Variants in CDYL observed in about 807,000 individuals in gnomAD.
CDYL encodes chromodomain Y-like protein.
A neutral mutation model predicts 47.3 loss-of-function variants in CDYL; 8 were observed. The observed-to-expected ratio is 0.17, with a 90% CI of 0.10 to 0.31. CDYL has a LOEUF of 0.31. Among genes scored for constraint, CDYL ranks in the 10% least tolerant of loss-of-function variants. The pLI is 1.00. For synonymous variants in CDYL, 266 were observed against 265.0 expected (o/e 1.00, Z -0.04); for missense variants, 471 against 701.4 (o/e 0.67, Z 3.71).
intron 1 of CDYL, among the ~76,000 whole-genome samples, chr6:4,788,142 G>T (rs140801959): frequency 2.0e-5 from 3 of 151,978 alleles, no homozygotes; most frequent in African/African-American, 7.3e-5. Context: ...GTCTCCAGTG[G>T]CTCACTTCTG....
chr6:4,910,902 C>T (rs1282129779), intron 2 of CDYL, among the ~76,000 whole-genome samples: 1 of 151,912 alleles, frequency 6.6e-6, no homozygotes, highest in African/African-American at 2.4e-5. Flanking sequence ...GGCACGACCT[C>T]GGCTCACTGC....
chr6:4,897,177 A>G (rs950916310), intron 2 of CDYL, among the ~76,000 whole-genome samples: 1 of 152,248 alleles, frequency 6.6e-6, no homozygotes. Flanking sequence ...TTGTCCTTTC[A>G]TGGATTCAAA....
At position 4,802,741 on chromosome 6, in the gene CDYL, T is replaced by C. The variant is rs943970966; in HGVS notation, c.24+25934T>C. Among the ~76,000 whole-genome samples, 19 of 148,748 alleles carry C rather than the reference T, an allele frequency of 1.3e-4. No individual in the cohort carries two copies. The South Asian group carries it at 1.7e-3, about 13-fold the overall frequency. On this transcript the variant is annotated intron_variant, in intron 1 of 6. Transcript: ENST00000397588. ...TTCAGTTTATTTTGTTCTTTTTTTT[T>C]CCCTTGAGATAAGTTTGTATGAGAG... is the stretch of plus-strand genomic sequence containing the variant.
At chr6:4,873,984 A>G (rs1319508672) in intron 1 of CDYL, among the ~76,000 whole-genome samples, 4 of 152,060 alleles carry the variant, frequency 2.6e-5, no homozygotes. Flanking sequence ...CCTTGTGTTC[A>G]TTCCTTAGCT....
chr6:4,811,585 C>T (rs1759529796), intron 1 of CDYL, among the ~76,000 whole-genome samples: 1 of 150,288 alleles, frequency 6.7e-6, no homozygotes, highest in Admixed American at 6.6e-5. Flanking sequence ...CTTTTAATTA[C>T]ACAAGTACTC....
intron 1 of CDYL, among the ~76,000 whole-genome samples, chr6:4,790,445 A>G (rs1468578701): frequency 6.6e-6 from 1 of 152,130 alleles, no homozygotes; most frequent in Non-Finnish European, 1.5e-5. Context: ...ACAACAACAA[A>G]CTCATTTTTC....
intron 3 of CDYL, among the ~76,000 whole-genome samples, chr6:4,763,884 A>C (rs865978642): frequency 3.9e-5 from 6 of 152,178 alleles, no homozygotes; most frequent in Admixed American, 1.3e-4. Context: ...CAGAGGTTGC[A>C]GTGAGCCGAG....
chr6:4,795,561 A>T (rs1489817210), intron 1 of CDYL, among the ~76,000 whole-genome samples: 1 of 152,048 alleles, frequency 6.6e-6, no homozygotes, highest in Admixed American at 6.5e-5. Context: ...GATCTTATTG[A>T]TTTATGAGTA....
At chr6:4,875,189 C>A (rs1431515250) in intron 1 of CDYL, among the ~76,000 whole-genome samples, 1 of 152,080 alleles carries the variant, frequency 6.6e-6, no homozygotes, top group Non-Finnish European at 1.5e-5. Context: ...GCAGCACTGA[C>A]GTTTTTCTTT....
chr6:4,827,656 TC>T (rs1484937288), intron 1 of CDYL, among the ~76,000 whole-genome samples: 1 of 152,188 alleles, frequency 6.6e-6, no homozygotes, highest in East Asian at 1.9e-4. Context: ...CATGCATTTG[TC>T]CTTTTTTTTC....
At chr6:4,947,518 C>A (rs883487) in intron 5 of CDYL, among the ~76,000 whole-genome samples, 1 of 152,076 alleles carries the variant, frequency 6.6e-6, no homozygotes, top group African/African-American at 2.4e-5. Context: ...CACCCATGTC[C>A]CTGCCCCTCA....
intron 1 of CDYL, among the ~76,000 whole-genome samples, chr6:4,789,234 C>A (rs1346539681): frequency 6.6e-6 from 1 of 152,086 alleles, no homozygotes; most frequent in African/African-American, 2.4e-5. Flanking sequence ...CACCACCGTG[C>A]CTGGCTAATT....
At position 4,732,859 on chromosome 6, in the gene CDYL, T is replaced by A. The variant is rs149875898; in HGVS notation, c.104-1903T>A. ...GACAGGCAGAGATAGGAGGATTAGATGGAGTATTTGGCTGAACAGGGACAA... is the reference window on the plus strand; with the variant it reads ...GACAGGCAGAGATAGGAGGATTAGAAGGAGTATTTGGCTGAACAGGGACAA... On this transcript the variant is annotated intron_variant, in intron 2 of 8. Coordinates refer to the CDYL transcript ENST00000328908. Among the ~76,000 whole-genome samples, 149 of 152,116 alleles carry A rather than the reference T, an allele frequency of 9.8e-4. 1 individual carries two copies. The highest frequency in any genetic ancestry group is 3.4e-3 in the African/African-American group (141 of 41,506).
chr6:4,716,832 A>C (rs1757274351), intron 2 of CDYL, among the ~76,000 whole-genome samples: 2 of 152,176 alleles, frequency 1.3e-5, no homozygotes, highest in Non-Finnish European at 2.9e-5. Flanking sequence ...AGCAATGAGC[A>C]AGACAAAGAC....
intron 3 of CDYL, among the ~76,000 whole-genome samples, chr6:4,738,112 G>T (rs9405775): frequency 0.57 from 86,124 of 152,044 alleles, 25,261 homozygotes; most frequent in South Asian, 0.69. Context: ...TACAGGCTGG[G>T]CTCTATGGCT....
At chr6:4,713,972 G>A (rs1305715387) in intron 1 of CDYL, 2 of 152,168 alleles carry the variant, frequency 1.3e-5, no homozygotes, top group Admixed American at 1.3e-4. Flanking sequence ...ATAACTCCTT[G>A]TGGATAATAA....
intron 2 of CDYL, among the ~76,000 whole-genome samples, chr6:4,893,250 C>T (rs1226371719): frequency 1.3e-5 from 2 of 152,240 alleles, no homozygotes; most frequent in African/African-American, 4.8e-5. Flanking sequence ...CAGGTGTGCC[C>T]TGTGTGTCTG....
chr6:4,751,605 A>C (rs373640989), intron 3 of CDYL, among the ~76,000 whole-genome samples: 9 of 152,378 alleles, frequency 5.9e-5, no homozygotes, highest in African/African-American at 1.9e-4. Context: ...CAGTAAGAAT[A>C]GGATGAACAC....
chr6:4,711,003 A>G (rs541331731), intron 1 of CDYL, among the ~76,000 whole-genome samples: 3 of 152,122 alleles, frequency 2.0e-5, no homozygotes, highest in African/African-American at 7.2e-5. Context: ...TATTCATTTC[A>G]CTATGGATAT....
Sources: allele counts gnomAD v4.1 joint callset (sites outside exome capture counted in the v4.1 genomes callset), GRCh38; gene constraint gnomAD v4.1.1; transcripts MANE v1.5; gene names NCBI Gene and HGNC (gene_info 2026-07-23, HGNC 2026-07-21).